The following LRP1B variants were observed in gnomAD, a reference collection of about 807,000 sequenced individuals.
LRP1B encodes low-density lipoprotein receptor-related protein 1B.
LRP1B carries 217 observed loss-of-function variants against 556.6 expected under a neutral mutation model. The ratio of observed to expected loss-of-function variants is 0.39; its 90% confidence interval spans 0.35 to 0.44. The LOEUF is 0.44. Ranked by LOEUF, LRP1B falls within the 20% of genes least tolerant of loss-of-function variation. The probability of loss-of-function intolerance (pLI) is 1.00; values close to 1 mark genes in which losing one functional copy is unlikely to be tolerated. For synonymous variants in LRP1B, 2,047 were observed against 1,865.8 expected, an observed-to-expected ratio of 1.10 and a Z score of -2.50; for missense variants, 5,053 against 5,620.8, an observed-to-expected ratio of 0.90 and a Z score of 3.23.
chr2:141,035,949 C>T lies in LRP1B; in HGVS notation c.1789+13037G>A, dbSNP rs559368483. Among the ~76,000 whole-genome samples, 3 of 152,160 alleles carry T rather than the reference C, an allele frequency of 2.0e-5. No individual in the cohort carries two copies. In the South Asian group the frequency reaches 6.2e-4, roughly 32 times the overall value. The stretch of plus-strand genomic sequence containing the variant: ...AGAAAACAGTTTTAAAAACTATTTC[C>T]ATCTTGTTCCTCAAATTCCTATTTG... On this transcript the variant is annotated intron_variant, in intron 11 of 90. Transcript: ENST00000389484.
At chr2:140,325,204 T>C (rs905051538) in intron 80 of LRP1B, among the ~76,000 whole-genome samples, 3 of 151,834 alleles carry the variant, frequency 2.0e-5, no homozygotes, top group Non-Finnish European at 2.9e-5. Context: ...GCTGGAAATA[T>C]GAGACAGTAA....
chr2:142,083,466 C>T (rs1705796068), intron 1 of LRP1B, among the ~76,000 whole-genome samples: 3 of 152,146 alleles, frequency 2.0e-5, no homozygotes, highest in Non-Finnish European at 4.4e-5. Flanking sequence ...TTTTATTGTG[C>T]TTAATAAACA....
At chr2:141,153,334 AATAAT>A (rs1171527231) in intron 7 of LRP1B, among the ~76,000 whole-genome samples, 2 of 108,294 alleles carry the variant, frequency 1.8e-5, no homozygotes, top group East Asian at 3.9e-4. Flanking sequence ...ATATTTATAT[AATAAT>A]ATATTATATA....
chr2:141,146,989 G>A (rs1701801507), intron 7 of LRP1B, among the ~76,000 whole-genome samples: 1 of 152,160 alleles, frequency 6.6e-6, no homozygotes, highest in Non-Finnish European at 1.5e-5. Flanking sequence ...ACACACCTGA[G>A]CATCCTCCTA....
intron 43 of LRP1B, among the ~76,000 whole-genome samples, chr2:140,569,814 A>T (rs903000370): frequency 1.3e-5 from 2 of 151,872 alleles, no homozygotes; most frequent in Non-Finnish European, 3.0e-5. Context: ...ATTTCATCAA[A>T]TTTTTTAAAA....
At chr2:140,789,374 T>TA (rs1308359774) in intron 32 of LRP1B, among the ~76,000 whole-genome samples, 4 of 152,152 alleles carry the variant, frequency 2.6e-5, no homozygotes, top group Non-Finnish European at 5.9e-5. Context: ...CATGAACTCC[T>TA]AAAGTTCTCC....
At chr2:140,487,769 G>GTTGTCAAT in intron 57 of LRP1B, 30 bp from the exon 58 acceptor site, 1 of 1,395,238 alleles carries the variant, frequency 7.2e-7, no homozygotes, top group Admixed American at 2.3e-5. Flanking sequence ...TGTTGTCAAT[G>GTTGTCAAT]ATAGTTCATA....
chr2:140,376,687 C>G (rs991777040), intron 68 of LRP1B, among the ~76,000 whole-genome samples: 11 of 152,142 alleles, frequency 7.2e-5, no homozygotes, highest in African/African-American at 2.7e-4. Flanking sequence ...TTAGGTTTTG[C>G]TAGCCCTCAG....
At chr2:140,700,707 A>C in intron 40 of LRP1B, 86 bp from the exon 41 acceptor site, 1 of 1,359,288 alleles carries the variant, frequency 7.4e-7, no homozygotes, top group Non-Finnish European at 1.0e-6. Flanking sequence ...GAAATATTAA[A>C]ACTTTGATGT....
At chr2:141,433,190 T>C (rs557795611) in intron 3 of LRP1B, among the ~76,000 whole-genome samples, 13 of 152,234 alleles carry the variant, frequency 8.5e-5, no homozygotes, top group East Asian at 1.9e-4. Context: ...TATTTGCATA[T>C]TTTCCAAATT....
In LRP1B at chr2:141,518,723, C is replaced by A. The variant is rs968837970; in HGVS notation, c.206-38190G>T. 2.0e-5 allele frequency among the ~76,000 whole-genome samples: 3 copies of A among 151,920 alleles called. No individual in the cohort carries two copies. In the East Asian group the frequency reaches 5.8e-4, roughly 29 times the overall value. On this transcript the variant is annotated intron_variant, in intron 2 of 90. Coordinates refer to ENST00000389484, the MANE Select transcript of LRP1B (RefSeq NM_018557.3). Reference sequence around the variant, plus strand: ...CAACACTTTGGGACGCCGAGGTGGGCGGATCACCTGAGGTCAGAAGTTCAA... The same window carrying A: ...CAACACTTTGGGACGCCGAGGTGGGAGGATCACCTGAGGTCAGAAGTTCAA...
chr2:141,873,464 G>A (rs1698655161), intron 1 of LRP1B, among the ~76,000 whole-genome samples: 1 of 151,916 alleles, frequency 6.6e-6, no homozygotes, highest in Non-Finnish European at 1.5e-5. Flanking sequence ...CTCATCATGG[G>A]AGAAGAGAAA....
intron 3 of LRP1B, among the ~76,000 whole-genome samples, chr2:141,265,464 A>G (rs1053602461): frequency 3.3e-5 from 5 of 152,116 alleles, no homozygotes; most frequent in African/African-American, 1.2e-4. Context: ...CTAGAACTGT[A>G]CCCTGCATGC....
intron 1 of LRP1B, among the ~76,000 whole-genome samples, chr2:141,873,013 A>G (rs955949633): frequency 1.7e-4 from 26 of 152,164 alleles, no homozygotes; most frequent in African/African-American, 6.3e-4. Context: ...TCAATAGACC[A>G]TTGGGAAGAA....
chr2:141,568,687 ATAAAG>A (rs3036219), intron 2 of LRP1B, among the ~76,000 whole-genome samples: 11,997 of 151,306 alleles, frequency 0.079, 1,101 homozygotes, highest in South Asian at 0.14. Flanking sequence ...AAAACGTAAT[ATAAAG>A]TAATTTTTCT....
At chr2:140,249,093 T>G (rs1185372034) in intron 86 of LRP1B, among the ~76,000 whole-genome samples, 1 of 151,456 alleles carries the variant, frequency 6.6e-6, no homozygotes, top group Admixed American at 6.6e-5. Context: ...ACCCAAGGCA[T>G]ATTTTATTGT....
At chr2:141,680,929 T>C (rs916601801) in intron 2 of LRP1B, among the ~76,000 whole-genome samples, 2 of 152,118 alleles carry the variant, frequency 1.3e-5, no homozygotes, top group Non-Finnish European at 2.9e-5. Context: ...AGCCTAACTG[T>C]AAGAAAATGG....
chr2:140,387,516 T>A (rs1476223800), intron 66 of LRP1B, among the ~76,000 whole-genome samples: 1 of 152,152 alleles, frequency 6.6e-6, no homozygotes, highest in East Asian at 1.9e-4. Flanking sequence ...GGAATTTATA[T>A]CCAGCTCCAG....
intron 3 of LRP1B, among the ~76,000 whole-genome samples, chr2:141,269,606 A>G (rs747033430): frequency 6.6e-6 from 1 of 152,174 alleles, no homozygotes; most frequent in Admixed American, 6.5e-5. Context: ...GGGGAAATAG[A>G]TGTCACTGAA....
Sources: gnomAD v4.1 joint callset for allele counts (sites outside exome capture counted in the v4.1 genomes callset) on GRCh38, gnomAD v4.1.1 for gene constraint, MANE v1.5 for transcripts, NCBI Gene and HGNC (gene_info 2026-07-23, HGNC 2026-07-21) for gene names.